PARD3B: variants seen among roughly 807,000 people sequenced by gnomAD.
PARD3B encodes par-3 family cell polarity regulator beta, also known as partitioning defective 3 homolog B.
In PARD3B, 103 loss-of-function variants were observed where a neutral mutation model predicts 130.2. The observed-to-expected ratio is 0.79, with a 90% CI of 0.67 to 0.93. PARD3B has a LOEUF of 0.93. Ranked by LOEUF, PARD3B falls within the 40% of genes least tolerant of loss-of-function variation. PARD3B has a pLI of 0.00. For synonymous variants in PARD3B, 583 were observed against 553.2 expected (o/e 1.05, Z -0.76); for missense variants, 1,609 against 1,499.2 (o/e 1.07, Z -1.21).
intron 11 of PARD3B, among the ~76,000 whole-genome samples, chr2:205,164,565 A>G (rs1410328431): frequency 2.0e-5 from 3 of 152,178 alleles, no homozygotes; most frequent in Admixed American, 6.5e-5. Flanking sequence ...AAATGCAAAC[A>G]GGAAATAAAT....
Position 205,390,797 on chromosome 2 carries a change from C to T in PARD3B, c.2631-10216C>T, listed in dbSNP as rs569798469. On this transcript the variant is annotated intron_variant, in intron 18 of 22. Coordinates refer to ENST00000406610, the MANE Select transcript of PARD3B (RefSeq NM_001302769.2). ...AACAAGGCAGACACCATCATCTGTT[C>T]GTTCCGATCATGGAATATATACAAA... Among the ~76,000 whole-genome samples, 5 of 152,274 alleles carry T rather than the reference C, an allele frequency of 3.3e-5. No individual in the cohort carries two copies. In the East Asian group the frequency reaches 9.6e-4, roughly 29 times the overall value.
chr2:205,186,861 C>T (rs2036131190), intron 14 of PARD3B, among the ~76,000 whole-genome samples: 1 of 152,094 alleles, frequency 6.6e-6, no homozygotes, highest in South Asian at 2.1e-4. Context: ...CCATTGCCTG[C>T]CTCGATTCTG....
At chr2:205,226,203 G>A (rs903365372) in intron 15 of PARD3B, among the ~76,000 whole-genome samples, 2 of 152,070 alleles carry the variant, frequency 1.3e-5, no homozygotes, top group Non-Finnish European at 2.9e-5. Flanking sequence ...CACCACGCCC[G>A]GCTAATTTTT....
chr2:204,957,669 C>T (rs548127984), intron 2 of PARD3B, among the ~76,000 whole-genome samples: 5 of 152,182 alleles, frequency 3.3e-5, no homozygotes. Context: ...AGAGAACGTA[C>T]TTTGAAACCT....
At position 204,909,156 on chromosome 2, in the gene PARD3B, G is replaced by A. The variant is rs142735461; in HGVS notation, c.223-55996G>A. The stretch of plus-strand genomic sequence containing the variant: ...TCAACCTTAAAAAAATAAGGCCATC[G>A]TCATACACTTTTGTCAAGATATTAA... On this transcript the variant is annotated intron_variant, in intron 2 of 22. Coordinates refer to ENST00000406610, the MANE Select transcript of PARD3B (RefSeq NM_001302769.2). Among the ~76,000 whole-genome samples the A allele has an allele frequency of 1.1e-4, 16 of 152,174 alleles. No individual in the cohort carries two copies. The East Asian group carries it at 2.3e-3, about 22-fold the overall frequency.
At chr2:205,208,820 A>T (rs1458206456) in intron 15 of PARD3B, among the ~76,000 whole-genome samples, 3 of 144,496 alleles carry the variant, frequency 2.1e-5, no homozygotes, top group Admixed American at 2.0e-4. Context: ...ATTCAATGCC[A>T]TCCCCATCAA....
At chr2:205,426,857 A>T (rs1276044544) in intron 19 of PARD3B, among the ~76,000 whole-genome samples, 5 of 152,170 alleles carry the variant, frequency 3.3e-5, no homozygotes, top group Non-Finnish European at 7.4e-5. Context: ...GAAAATATAG[A>T]TGCAATTTAT....
At position 205,366,121 on chromosome 2, in the gene PARD3B, A is replaced by G. The variant is rs990308979; in HGVS notation, c.2631-34892A>G. Among the ~76,000 whole-genome samples, 7 of 151,250 alleles carry G rather than the reference A, an allele frequency of 4.6e-5. No individual in the cohort carries two copies. Among genetic ancestry groups the G allele is most frequent in the Non-Finnish European group, 7.4e-5 (5 of 67,876 alleles). On this transcript the variant is annotated intron_variant, in intron 18 of 22. Coordinates refer to ENST00000406610, the MANE Select transcript of PARD3B (RefSeq NM_001302769.2). The surrounding 1 kb of genome is among the most constrained non-coding windows in gnomAD (Gnocchi z 5.0). ...CCATTCATCCATCCATCCATTATCC[A>G]TATTTATGTTGGCTAGAGCTCTGTG...
At chr2:204,813,283 C>T (rs10195467) in intron 2 of PARD3B, among the ~76,000 whole-genome samples, 9,477 of 152,104 alleles carry the variant, frequency 0.062, 552 homozygotes, top group African/African-American at 0.15. Flanking sequence ...CTAATAATAA[C>T]GTTGAGCCTC....
At chr2:204,760,804 A>G (rs976877996) in intron 2 of PARD3B, among the ~76,000 whole-genome samples, 3 of 152,120 alleles carry the variant, frequency 2.0e-5, no homozygotes, top group African/African-American at 7.2e-5. Context: ...TCCTTTTCAA[A>G]ATTTGCATTA....
At chr2:204,641,220 G>GTA (rs1279726655) in intron 1 of PARD3B, among the ~76,000 whole-genome samples, 1 of 149,450 alleles carries the variant, frequency 6.7e-6, no homozygotes, top group Admixed American at 6.7e-5. Flanking sequence ...ATATGTAAAT[G>GTA]TATATATAAT....
At position 205,421,011 on chromosome 2, in the gene PARD3B, C is replaced by T. The variant is rs959164243; in HGVS notation, c.2742-19359C>T. ...CAAAAATTAGCTGGATGTGGTGGGG[C>T]GTGCCCATAGTCCCAGCTACTCGGG... On this transcript the variant is annotated intron_variant, in intron 19 of 22. Coordinates refer to ENST00000406610, the MANE Select transcript of PARD3B (RefSeq NM_001302769.2). The surrounding 1 kb of genome is among the most constrained non-coding windows in gnomAD (Gnocchi z 5.1). 2.0e-5 allele frequency among the ~76,000 whole-genome samples: 3 copies of T among 151,968 alleles called. No homozygotes were observed. The highest frequency in any genetic ancestry group is 4.4e-5 in the Non-Finnish European group (3 of 67,980).
At chr2:204,870,208 G>C (rs1439649276) in intron 2 of PARD3B, among the ~76,000 whole-genome samples, 1 of 152,158 alleles carries the variant, frequency 6.6e-6, no homozygotes. Context: ...AGATTGAGAA[G>C]CCAGTAAACT....
At chr2:205,264,173 A>G (rs941766036) in intron 16 of PARD3B, among the ~76,000 whole-genome samples, 1 of 151,058 alleles carries the variant, frequency 6.6e-6, no homozygotes, top group Non-Finnish European at 1.5e-5. Context: ...CTGGAGCTCC[A>G]GAGAGATCAA....
chr2:205,070,746 A>G (rs1485885005), intron 4 of PARD3B, among the ~76,000 whole-genome samples: 5 of 152,268 alleles, frequency 3.3e-5, no homozygotes, highest in African/African-American at 9.6e-5. Flanking sequence ...GCAAGCATCA[A>G]TATGTTCTAC....
At chr2:204,591,033 T>A (rs1420574550) in intron 1 of PARD3B, among the ~76,000 whole-genome samples, 1 of 152,208 alleles carries the variant, frequency 6.6e-6, no homozygotes, top group Non-Finnish European at 1.5e-5. Flanking sequence ...AAAATTGCAA[T>A]TTTAATAATA....
chr2:205,532,461 C>T (rs374399246), intron 21 of PARD3B, among the ~76,000 whole-genome samples: 2 of 152,236 alleles, frequency 1.3e-5, no homozygotes. Flanking sequence ...CTTCTCAAAG[C>T]CAACTATTGT....
Position 205,103,153 on chromosome 2 carries a change from A to G in PARD3B, c.505-1273A>G, listed in dbSNP as rs866141759. ...AAATAAACATATTTTATATTTATGT[A>G]AAATAAACATATTTTATATTTATGT... On this transcript the variant is annotated intron_variant, in intron 4 of 22. Transcript: ENST00000406610. Among the ~76,000 whole-genome samples, 101 of 131,696 alleles carry G rather than the reference A, an allele frequency of 7.7e-4. 2 individuals carry two copies. Among genetic ancestry groups the G allele is most frequent in the African/African-American group, 2.6e-3 (98 of 38,268 alleles). The allele number at this position is 131,696 out of a possible 152,430, so 86.4% of individuals were successfully genotyped here.
rs1472733681 is a variant in PARD3B, at chr2:205,091,801, G to A, written c.505-12625G>A. On this transcript the variant is annotated intron_variant, in intron 4 of 22. Transcript: ENST00000406610. This position sits in a 1 kb window ranked among gnomAD's most constrained non-coding sequence, Gnocchi z 4.2. ...CATTAGTATCTTCTCTCCAGCTTCT[G>A]TGCTCCTTACTCCCCAGAATGGACT... Among the ~76,000 whole-genome samples, 1 of 152,020 alleles carries A rather than the reference G, an allele frequency of 6.6e-6. No individual in the cohort carries two copies. The highest frequency in any genetic ancestry group is 1.5e-5 in the Non-Finnish European group (1 of 68,002).
Sources: allele counts gnomAD v4.1 joint callset (sites outside exome capture counted in the v4.1 genomes callset), GRCh38; gene constraint gnomAD v4.1.1; non-coding constraint Gnocchi (gnomAD v3.1); transcripts MANE v1.5; gene names NCBI Gene and HGNC (gene_info 2026-07-23, HGNC 2026-07-21).